The following GABBR2 variants were observed in gnomAD, a reference collection of about 807,000 sequenced individuals.
GABBR2 encodes G-protein coupled receptor 51.
Under a neutral mutation model 105.6 loss-of-function variants are expected in GABBR2, and 23 were observed. The observed-to-expected ratio is 0.22, with a 90% CI of 0.16 to 0.31. The LOEUF (loss-of-function observed/expected upper bound fraction) is 0.31, where lower values mean the gene tolerates loss of function less well. GABBR2 is among the 10% of genes least tolerant of loss of function. GABBR2 has a pLI of 1.00. For synonymous variants in GABBR2, 478 were observed against 499.7 expected, an observed-to-expected ratio of 0.96 and a Z score of 0.58; for missense variants, 734 against 1,245.5, an observed-to-expected ratio of 0.59 and a Z score of 6.18.
intron 1 of GABBR2, among the ~76,000 whole-genome samples, chr9:98,631,309 T>A (rs1019126918): frequency 1.8e-4 from 27 of 152,200 alleles, no homozygotes; most frequent in African/African-American, 5.8e-4. Context: ...CTGGAAAAGA[T>A]AACTAACCTT....
At chr9:98,533,740 C>T (rs541227334) in intron 3 of GABBR2, among the ~76,000 whole-genome samples, 12 of 152,190 alleles carry the variant, frequency 7.9e-5, no homozygotes, top group South Asian at 4.2e-4. Flanking sequence ...AACACAGAGA[C>T]GGCACACCTG....
chr9:98,451,368 T>TA (rs1826226208), intron 7 of GABBR2, among the ~76,000 whole-genome samples: 1 of 152,226 alleles, frequency 6.6e-6, no homozygotes, highest in Admixed American at 6.5e-5. Context: ...GGAAAGCTGT[T>TA]AAAGTTTCCA....
At chr9:98,514,787 C>T (rs898424214) in intron 3 of GABBR2, among the ~76,000 whole-genome samples, 1 of 152,060 alleles carries the variant, frequency 6.6e-6, no homozygotes, top group African/African-American at 2.4e-5. Flanking sequence ...TACCCTAAAA[C>T]TTAAAGTATA....
chr9:98,583,129 A>C (rs1829025268), intron 1 of GABBR2, among the ~76,000 whole-genome samples: 1 of 152,258 alleles, frequency 6.6e-6, no homozygotes, highest in East Asian at 1.9e-4. Flanking sequence ...GAAACAACGT[A>C]CTGGGCACCA....
intron 18 of GABBR2, among the ~76,000 whole-genome samples, chr9:98,292,321 T>G (rs374434059): frequency 6.6e-6 from 1 of 152,232 alleles, no homozygotes; most frequent in Non-Finnish European, 1.5e-5. Context: ...TTCAGGTAAC[T>G]TCCCCATGGA....
chr9:98,468,035 G>C (rs1164000653), intron 6 of GABBR2, among the ~76,000 whole-genome samples: 1 of 152,224 alleles, frequency 6.6e-6, no homozygotes, highest in African/African-American at 2.4e-5. Context: ...TCAGTGGAGA[G>C]AAGGAGCCAA....
At chr9:98,372,042 C>A (rs891837424) in intron 11 of GABBR2, among the ~76,000 whole-genome samples, 2 of 152,256 alleles carry the variant, frequency 1.3e-5, no homozygotes, top group Admixed American at 1.3e-4. Flanking sequence ...AGACTGGCCA[C>A]TGAGCCCACA....
intron 1 of GABBR2, among the ~76,000 whole-genome samples, chr9:98,698,975 G>A (rs1160173567): frequency 1.3e-5 from 2 of 152,102 alleles, no homozygotes; most frequent in African/African-American, 4.8e-5. Flanking sequence ...TTGCTATTAG[G>A]GGATTCCAGG....
chr9:98,642,158 T>C (rs571873659), intron 1 of GABBR2, among the ~76,000 whole-genome samples: 10 of 152,348 alleles, frequency 6.6e-5, no homozygotes, highest in African/African-American at 1.9e-4. Context: ...GAAAGTTTCA[T>C]GCCCTGATAA....
intron 13 of GABBR2, among the ~76,000 whole-genome samples, chr9:98,316,376 T>C (rs1326673691): frequency 6.6e-6 from 1 of 152,182 alleles, no homozygotes; most frequent in Non-Finnish European, 1.5e-5. Context: ...GGTCTCGAAC[T>C]CCCAACCTCA....
At chr9:98,612,659 G>A (rs1239171352) in intron 1 of GABBR2, among the ~76,000 whole-genome samples, 1 of 152,200 alleles carries the variant, frequency 6.6e-6, no homozygotes, top group East Asian at 1.9e-4. Flanking sequence ...ACACAGCAAT[G>A]ATAGCTGAAA....
intron 7 of GABBR2, among the ~76,000 whole-genome samples, chr9:98,410,979 G>T (rs987795166): frequency 1.2e-4 from 19 of 152,122 alleles, no homozygotes; most frequent in African/African-American, 4.3e-4. Flanking sequence ...ACCAGTTCCT[G>T]TATGAAATCT....
chr9:98,604,578 T>C (rs536083251), intron 1 of GABBR2, among the ~76,000 whole-genome samples: 6 of 152,332 alleles, frequency 3.9e-5, no homozygotes, highest in Admixed American at 3.9e-4. Flanking sequence ...CCTGCATAAA[T>C]TGGAACACTC....
At chr9:98,412,615 C>G (rs372928645) in intron 7 of GABBR2, among the ~76,000 whole-genome samples, 63 of 152,300 alleles carry the variant, frequency 4.1e-4, no homozygotes, top group African/African-American at 1.4e-3. Context: ...GTCCCTCAGT[C>G]CCTTGCTCCT....
chr9:98,488,066 G>A (rs1012127225), intron 4 of GABBR2, among the ~76,000 whole-genome samples: 2 of 152,138 alleles, frequency 1.3e-5, no homozygotes, highest in Non-Finnish European at 2.9e-5. Context: ...TAGAGGAAGG[G>A]GATGCCAGCT....
rs57747633 is a variant in GABBR2, at chr9:98,465,121, T to TAAAAAAAAAAAAAAAAAAAAAAAA, written c.999+8001_999+8024dup. Among the ~76,000 whole-genome samples the TAAAAAAAAAAAAAAAAAAAAAAAA allele has an allele frequency of 4.1e-4, 9 of 22,000 alleles. 1 individual carries two copies. The highest frequency in any genetic ancestry group is 6.6e-4 in the Non-Finnish European group (9 of 13,602). 14.4% of individuals were successfully genotyped at this position (22,000 alleles called of 152,430 possible). ...ACACCCAAGAATGATCAATAAATAC[T>TAAAAAAAAAAAAAAAAAAAAAAAA]AAAAAAAAAAAAAAAAAAAAAAAAA... is the stretch of plus-strand genomic sequence containing the variant. On this transcript the variant is annotated intron_variant, in intron 6 of 18. Coordinates refer to ENST00000259455, the MANE Select transcript of GABBR2 (RefSeq NM_005458.8).
chr9:98,294,415 G>C (rs10818745), intron 17 of GABBR2, among the ~76,000 whole-genome samples: 55,686 of 151,848 alleles, frequency 0.37, 10,522 homozygotes, highest in African/African-American at 0.44. Context: ...TTTTTACCCG[G>C]AATTTCCACT....
intron 13 of GABBR2, among the ~76,000 whole-genome samples, chr9:98,355,550 T>C (rs190975243): frequency 6.6e-6 from 1 of 152,242 alleles, no homozygotes; most frequent in African/African-American, 2.4e-5. Context: ...AAATCCACAA[T>C]ACTCTAATGA....
At chr9:98,551,762 G>A (rs1290630158) in intron 2 of GABBR2, among the ~76,000 whole-genome samples, 3 of 152,136 alleles carry the variant, frequency 2.0e-5, no homozygotes, top group Non-Finnish European at 4.4e-5. Context: ...ATGCAGCTAC[G>A]AGGCCTCTTT....
Sources: allele counts gnomAD v4.1 joint callset (sites outside exome capture counted in the v4.1 genomes callset), GRCh38; gene constraint gnomAD v4.1.1; transcripts MANE v1.5; gene names NCBI Gene and HGNC (gene_info 2026-07-23, HGNC 2026-07-21).